Variants in A2M observed in about 807,000 individuals in gnomAD.
The protein encoded by A2M is alpha-2-macroglobulin, also known as C3 and PZP-like alpha-2-macroglobulin domain-containing protein 5.
In A2M, 128 loss-of-function variants were observed where a neutral mutation model predicts 183.9. The ratio of observed to expected loss-of-function variants is 0.70; its 90% CI spans 0.60 to 0.81. A2M has a LOEUF of 0.81. Ranked by LOEUF, A2M falls within the 30% of genes least tolerant of loss-of-function variation. The probability of loss-of-function intolerance (pLI) is 0.00; values close to 1 mark genes in which losing one functional copy is unlikely to be tolerated. For missense variants in A2M, 1,495 were observed against 1,787.6 expected (o/e 0.84, Z 2.95); for synonymous variants, 592 against 670.8 (o/e 0.88, Z 1.81).
At chr12:9,115,158 C>G (rs1209640767) in intron 1 of A2M, 1 of 152,358 alleles carries the variant, frequency 6.6e-6, no homozygotes, top group Non-Finnish European at 1.5e-5. Flanking sequence ...CCAAAAATCA[C>G]CTAGTACTCT....
In A2M at chr12:9,101,758, C is replaced by A. The variant is rs894978315; in HGVS notation, c.1267-84G>T. ...TCACAAAACTACGTAAGTTTACTGT[C>A]CTACCTTAACTAGTAGCTAGAAATC... On this transcript the variant is annotated intron_variant, in intron 11 of 35. Transcript: ENST00000318602. The A allele has an allele frequency of 1.6e-5, 17 of 1,064,044 alleles. 1 individual carries two copies. The highest frequency in any genetic ancestry group is 1.4e-4 in the Admixed American group (6 of 42,430). 65.9% of individuals were successfully genotyped at this position (1,064,044 alleles called of 1,614,324 possible).
In A2M at chr12:9,079,491, A is replaced by G; in HGVS notation, c.3031+148T>C. On this transcript the variant is annotated intron_variant, in intron 24 of 35. Transcript: ENST00000318602. ...TTAAATATTTTATTGGAGGTTGGAG[A>G]GTGGATAGTTTCCTTGAAATTAACT... 3 of 1,028,374 alleles carry G rather than the reference A, an allele frequency of 2.9e-6. No homozygotes were observed. The Admixed American group carries it at 7.0e-5, about 24-fold the overall frequency. The allele number at this position is 1,028,374 out of a possible 1,614,324, so 63.7% of individuals were successfully genotyped here.
chr12:9,091,197 T>C lies in A2M; in HGVS notation c.2469+4A>G, dbSNP rs1324564895. On this transcript the variant is annotated splice_donor_region_variant and intron_variant, in intron 19 of 35. Transcript: ENST00000318602. The stretch of plus-strand genomic sequence containing the variant: ...TGTATTTAATTTAGGAAAGAGATCC[T>C]TACCCGGATGCATTTGGGAAGGTAG... 10 of 1,612,948 alleles carry C rather than the reference T, an allele frequency of 6.2e-6. No homozygotes were observed. The highest frequency in any genetic ancestry group is 8.5e-6 in the Non-Finnish European group (10 of 1,178,904).
At chr12:9,103,354 T>C (rs1938032702) in intron 11 of A2M, among the ~76,000 whole-genome samples, 2 of 152,196 alleles carry the variant, frequency 1.3e-5, no homozygotes, top group Non-Finnish European at 1.5e-5. Flanking sequence ...GTTGAGCCAG[T>C]ATTTTTAACC....
In A2M at chr12:9,089,258, G is replaced by T; in HGVS notation, c.2719-7C>A. 1 of 1,574,534 alleles carries T rather than the reference G, an allele frequency of 6.4e-7. No homozygotes were observed. The highest frequency in any genetic ancestry group is 1.8e-5 in the Admixed American group (1 of 54,804). On this transcript the variant is annotated splice_region_variant and splice_polypyrimidine_tract_variant and intron_variant, in intron 21 of 35. Coordinates refer to ENST00000318602, the MANE Select transcript of A2M (RefSeq NM_000014.6). ...CCTTCTCTAGTCCTTCAGGCTTTAG[G>T]TAAAAGAAAGAAAAGCTAGTGAGAA...
chr12:9,108,101 TTATTTTATTTTA>T (rs2137940231), intron 7 of A2M, among the ~76,000 whole-genome samples: 1 of 24,648 alleles, frequency 4.1e-5, no homozygotes, highest in East Asian at 4.2e-4. Context: ...TTTCACTTGT[TTATTTTATTTTA>T]TTTTATTTTA....
At chr12:9,075,214 A>G (rs899506459) in intron 28 of A2M, among the ~76,000 whole-genome samples, 2 of 152,246 alleles carry the variant, frequency 1.3e-5, no homozygotes, top group Admixed American at 6.5e-5. Flanking sequence ...TGAAAAAAAA[A>G]ATACAGTAAT....
chr12:9,093,920 A>G (rs531390806), intron 17 of A2M, among the ~76,000 whole-genome samples: 43 of 149,342 alleles, frequency 2.9e-4, no homozygotes, highest in African/African-American at 1.0e-3. Flanking sequence ...AACAAACAAC[A>G]AAAAAAAACA....
chr12:9,068,328 AG>A, intron 34 of A2M, 104 bp from the exon 35 acceptor site: 1 of 1,181,400 alleles, frequency 8.5e-7, no homozygotes, highest in East Asian at 2.5e-5. Flanking sequence ...TGTTGTGGGA[AG>A]AACAGTATTG....
intron 31 of A2M, 144 bp from the exon 32 acceptor site, chr12:9,070,722 G>A (rs1381841606): frequency 3.3e-6 from 2 of 612,348 alleles, no homozygotes; most frequent in Non-Finnish European, 5.7e-6. Context: ...TGTAAAAGTG[G>A]TGTGCGTAGA....
Position 9,104,341 on chromosome 12 carries a change from T to G in A2M, c.1164A>C (p.Gly388=), listed in dbSNP as rs1310439439. The G allele has an allele frequency of 1.9e-6, 3 of 1,608,896 alleles. No homozygotes were observed. The highest frequency in any genetic ancestry group is 3.4e-5 in the Admixed American group (2 of 59,286). ...CATTGGAGTAATAGTTTGCTTCATT[T>G]CCTCTGATGAATATGACTTTATTTG... The part of the protein sequence containing the change: ...PIPNKVIFIR[G]NEANYYSNAT... The change falls in exon 11 of 36, where the codon GGA becomes GGC. Residue 388 remains glycine (G), a synonymous_variant. Coordinates refer to ENST00000318602, the MANE Select transcript of A2M (RefSeq NM_000014.6).
intron 17 of A2M, among the ~76,000 whole-genome samples, chr12:9,093,887 C>T (rs1056873560): frequency 6.8e-6 from 1 of 147,328 alleles, no homozygotes; most frequent in Non-Finnish European, 1.5e-5. Flanking sequence ...AGTGAGACTT[C>T]GTCTCAAACA....
chr12:9,101,704 T>C (rs1416085348), intron 11 of A2M, 30 bp from the exon 12 acceptor site: 1 of 1,495,582 alleles, frequency 6.7e-7, no homozygotes, highest in Non-Finnish European at 9.2e-7. Context: ...ATATTATTTT[T>C]AGATTATACG....
chr12:9,112,810 C>A (rs1044075528), intron 2 of A2M: 6 of 416,518 alleles, frequency 1.4e-5, no homozygotes, highest in Non-Finnish European at 2.2e-5. Flanking sequence ...TTCAATTATA[C>A]GCTGAGCTTT....
In A2M at chr12:9,076,823, G is replaced by A. The variant is rs1202895051; in HGVS notation, c.3465C>T (p.Ala1155=). 1 of 1,613,990 alleles carries A rather than the reference G, an allele frequency of 6.2e-7. No individual in the cohort carries two copies. Among genetic ancestry groups the A allele is most frequent in the East Asian group, 2.2e-5 (1 of 44,880 alleles). ...YTKALLAYAF[A]LAGNQDKRKE... is the part of the protein sequence containing the mutation. ...TCCTCTTGTCCTGGTTACCTGCCAG[G>A]GCAAAAGCATAGGCCAGCAGTGCTT... The change falls in exon 28 of 36, where the codon GCC becomes GCT. Residue 1155 remains alanine (A), a synonymous_variant. Transcript: ENST00000318602.
intron 22 of A2M, among the ~76,000 whole-genome samples, chr12:9,087,601 A>G (rs142620819): frequency 6.6e-6 from 1 of 152,240 alleles, no homozygotes; most frequent in African/African-American, 2.4e-5. Context: ...AGCATGGTGA[A>G]TATAGTTAAT....
At chr12:9,080,006 GTAT>G in intron 23 of A2M, 85 bp downstream of exon 23, 1 of 971,530 alleles carries the variant, frequency 1.0e-6, no homozygotes, top group Admixed American at 3.1e-5. Flanking sequence ...TAAAATTATA[GTAT>G]TATTTTTAGT....
intron 4 of A2M, 54 bp from the exon 5 acceptor site, chr12:9,110,388 C>T: frequency 8.5e-7 from 1 of 1,178,528 alleles, no homozygotes; most frequent in Non-Finnish European, 1.2e-6. Flanking sequence ...ATTCTTAAAT[C>T]TCATTTATAA....
Position 9,112,501 on chromosome 12 carries a change from G to A in A2M, c.306C>T (p.Phe102=), listed in dbSNP as rs1938813582. 5.0e-6 allele frequency: 8 copies of A among 1,613,616 alleles called. No individual in the cohort carries two copies. The change falls in exon 3 of 36, where the codon TTC becomes TTT. Residue 102 remains phenylalanine (F), a synonymous_variant. Transcript: ENST00000318602. ...TTGGTCCTTTCACTTGGACAGTGAG[G>A]AACATTACCTCCTCATTGGATGAAG... is the stretch of plus-strand genomic sequence containing the variant. ...PKSSSNEEVM[F]LTVQVKGPTQ...
Sources: gnomAD v4.1 joint callset for allele counts (sites outside exome capture counted in the v4.1 genomes callset) on GRCh38, gnomAD v4.1.1 for gene constraint, MANE v1.5 for transcripts, NCBI Gene and HGNC (gene_info 2026-07-23, HGNC 2026-07-21) for gene names.